The following METTL9 variants were observed in gnomAD, a reference collection of about 807,000 sequenced individuals.
METTL9 encodes the protein protein-L-histidine N-pros-methyltransferase.
A neutral mutation model predicts 36.0 loss-of-function variants in METTL9; 10 were observed. The observed-to-expected ratio is 0.28, with a 90% CI of 0.17 to 0.47. The LOEUF is 0.47. METTL9 is among the 20% of genes least tolerant of loss of function. The probability of loss-of-function intolerance (pLI) is 0.99; values close to 1 mark genes in which losing one functional copy is unlikely to be tolerated. For missense variants in METTL9, 246 were observed against 383.5 expected (o/e 0.64, Z 3.00); for synonymous variants, 175 against 149.7 (o/e 1.17, Z -1.23).
intron 1 of METTL9, chr16:21,611,998 A>C (rs1327733723): frequency 1.3e-5 from 2 of 152,170 alleles, no homozygotes; most frequent in Non-Finnish European, 2.9e-5. Flanking sequence ...GTAACTTCTT[A>C]ATCTTTCTTG....
At chr16:21,613,185 T>C (rs1965473169) in intron 2 of METTL9, among the ~76,000 whole-genome samples, 1 of 24,056 alleles carries the variant, frequency 4.2e-5, no homozygotes, top group African/African-American at 9.3e-5. Context: ...TTTTTTTTTT[T>C]TTTTTTTTTT....
At chr16:21,602,501 G>A (rs2152892240) in intron 1 of METTL9, among the ~76,000 whole-genome samples, 1 of 152,204 alleles carries the variant, frequency 6.6e-6, no homozygotes, top group South Asian at 2.1e-4. Context: ...GCAGGGAAGT[G>A]GCTGGGAGGC....
At chr16:21,604,242 G>C (rs1965215157) in intron 1 of METTL9, among the ~76,000 whole-genome samples, 1 of 152,136 alleles carries the variant, frequency 6.6e-6, no homozygotes, top group Non-Finnish European at 1.5e-5. Flanking sequence ...CATAATCTGT[G>C]TTGAAACCCC....
intron 4 of METTL9, among the ~76,000 whole-genome samples, chr16:21,637,909 C>T (rs773238108): frequency 6.6e-6 from 1 of 152,276 alleles, no homozygotes; most frequent in Non-Finnish European, 1.5e-5. Flanking sequence ...CACATTGTCA[C>T]CTCTCAATAA....
rs557030717 is a variant in METTL9, at chr16:21,618,027, T to A, written c.519T>A (p.Thr173=). 2.5e-6 allele frequency: 4 copies of A among 1,600,328 alleles called. No individual in the cohort carries two copies. Among genetic ancestry groups the A allele is most frequent in the Non-Finnish European group, 3.4e-6 (4 of 1,176,120 alleles). The change falls in exon 3 of 5, where the codon ACT becomes ACA. Residue 173 remains threonine, a synonymous_variant. Coordinates refer to ENST00000358154, the MANE Select transcript of METTL9 (RefSeq NM_016025.5). The part of the protein sequence containing the change: ...MSPHFEEIYA[T]ELSETMIWQL... ...CTCATTTTGAAGAAATCTATGCCAC[T>A]GAGCTTTCTGAAACTATGATATGGC...
At chr16:21,602,024 TTTCCACTTAATA>T (rs1965145463) in intron 1 of METTL9, among the ~76,000 whole-genome samples, 1 of 152,156 alleles carries the variant, frequency 6.6e-6, no homozygotes, top group South Asian at 2.1e-4. Context: ...GATAATTTGT[TTTCCACTTAATA>T]TTCCAGGATC....
chr16:21,614,056 C>T (rs773351823), intron 2 of METTL9, among the ~76,000 whole-genome samples: 1 of 152,076 alleles, frequency 6.6e-6, no homozygotes, highest in Non-Finnish European at 1.5e-5. Flanking sequence ...AGTCTTCAGG[C>T]ACCGCAAGCC....
intron 3 of METTL9, among the ~76,000 whole-genome samples, chr16:21,623,882 T>C (rs779914954): frequency 2.6e-5 from 4 of 152,102 alleles, no homozygotes; most frequent in Non-Finnish European, 4.4e-5. Flanking sequence ...GCGATTCTCC[T>C]ACCTCAGCCT....
chr16:21,613,168 CTTTTT>C (rs57388340), intron 2 of METTL9, among the ~76,000 whole-genome samples: 25 of 91,402 alleles, frequency 2.7e-4, no homozygotes, highest in African/African-American at 1.2e-3. Context: ...TGAGAGTCTG[CTTTTT>C]TTTTTTTTTT....
At chr16:21,631,362 T>G (rs996471878) in intron 4 of METTL9, among the ~76,000 whole-genome samples, 5 of 152,192 alleles carry the variant, frequency 3.3e-5, no homozygotes, top group African/African-American at 1.2e-4. Flanking sequence ...ACCTTTTAAG[T>G]TTGGGATTTC....
At chr16:21,627,218 A>G (rs953998152) in intron 4 of METTL9, 2 of 985,238 alleles carry the variant, frequency 2.0e-6, no homozygotes, top group Admixed American at 6.2e-5. Context: ...GAGATGCAAA[A>G]TGGTTTTGCT....
chr16:21,602,922 G>A (rs1245957909), intron 1 of METTL9, among the ~76,000 whole-genome samples: 1 of 152,078 alleles, frequency 6.6e-6, no homozygotes, highest in Non-Finnish European at 1.5e-5. Flanking sequence ...GCCTCCCAAA[G>A]TGCTGGGATT....
At chr16:21,605,813 T>G (rs954009092) in intron 1 of METTL9, among the ~76,000 whole-genome samples, 1 of 152,168 alleles carries the variant, frequency 6.6e-6, no homozygotes, top group Non-Finnish European at 1.5e-5. Flanking sequence ...AGTGGGTGTT[T>G]AATTGTTCAA....
chr16:21,622,644 CTGAG>C (rs1244209696), intron 3 of METTL9, among the ~76,000 whole-genome samples: 4 of 152,174 alleles, frequency 2.6e-5, no homozygotes, highest in African/African-American at 9.7e-5. Context: ...ATCAGTGGAA[CTGAG>C]TGAGTTTACA....
chr16:21,623,469 T>TA (rs1965751243), intron 3 of METTL9, among the ~76,000 whole-genome samples: 1 of 152,178 alleles, frequency 6.6e-6, no homozygotes, highest in Non-Finnish European at 1.5e-5. Context: ...ATCCTTTTTT[T>TA]ATGTTTCCTT....
chr16:21,648,818 CT>C (rs1210254434), intron 4 of METTL9, among the ~76,000 whole-genome samples: 1 of 152,170 alleles, frequency 6.6e-6, no homozygotes, highest in African/African-American at 2.4e-5. Flanking sequence ...TCCTTTGCTA[CT>C]GTAAATGAAA....
Position 21,631,815 on chromosome 16 carries a change from A to G in METTL9, c.751+6700A>G, listed in dbSNP as rs185507965. 1.6e-3 allele frequency among the ~76,000 whole-genome samples: 237 copies of G among 152,316 alleles called. 1 individual carries two copies. Among genetic ancestry groups the G allele is most frequent in the Non-Finnish European group, 3.0e-3 (205 of 68,024 alleles). On this transcript the variant is annotated intron_variant, in intron 4 of 4. Coordinates refer to ENST00000358154, the MANE Select transcript of METTL9 (RefSeq NM_016025.5). The stretch of plus-strand genomic sequence containing the variant: ...ATTGGAGTGTTACAGGGTTACAGAG[A>G]AGACCTTCAATTATCAATTATAGGT...
At chr16:21,631,960 C>T (rs1965973948) in intron 4 of METTL9, among the ~76,000 whole-genome samples, 1 of 152,208 alleles carries the variant, frequency 6.6e-6, no homozygotes, top group South Asian at 2.1e-4. Flanking sequence ...CTCTTTGTCT[C>T]TGTCTCTTTG....
chr16:21,599,544 G>C (rs1401155853), upstream of METTL9: 9 of 1,277,968 alleles, frequency 7.0e-6, no homozygotes, highest in Non-Finnish European at 8.9e-6. The surrounding 1 kb of genome is among the most constrained non-coding windows in gnomAD (Gnocchi z 4.4). Context: ...CGGAAGGGAA[G>C]GGGGAGGTGC....
Sources: allele counts gnomAD v4.1 joint callset (sites outside exome capture counted in the v4.1 genomes callset), GRCh38; gene constraint gnomAD v4.1.1; non-coding constraint Gnocchi (gnomAD v3.1); transcripts MANE v1.5; gene names NCBI Gene and HGNC (gene_info 2026-07-23, HGNC 2026-07-21).